CSMD1: variants seen among roughly 807,000 people sequenced by gnomAD.
CSMD1 encodes CUB and Sushi multiple domains 1.
Under a neutral mutation model 417.5 loss-of-function variants are expected in CSMD1, and 213 were observed. The observed-to-expected ratio is 0.51, with a 90% CI of 0.46 to 0.57. The LOEUF (loss-of-function observed/expected upper bound fraction) is 0.57, where lower values mean the gene tolerates loss of function less well. Ranked by LOEUF, CSMD1 falls within the 20% of genes least tolerant of loss-of-function variation. The probability of loss-of-function intolerance (pLI) is 0.00; values close to 1 mark genes in which losing one functional copy is unlikely to be tolerated. For synonymous variants in CSMD1, 2,862 were observed against 1,736.8 expected (o/e 1.65, Z -16.11); for missense variants, 6,923 against 4,529.7 (o/e 1.53, Z -15.17).
chr8:3,989,923 A>G (rs1170218701), intron 5 of CSMD1, among the ~76,000 whole-genome samples: 6 of 152,194 alleles, frequency 3.9e-5, no homozygotes, highest in Admixed American at 6.5e-5. Context: ...CTTTCATAAG[A>G]AAGAGAAAAA....
chr8:3,602,273 G>T (rs1046533574), intron 8 of CSMD1, among the ~76,000 whole-genome samples: 8 of 152,230 alleles, frequency 5.3e-5, no homozygotes, highest in African/African-American at 1.9e-4. Context: ...ACAGTTTAGA[G>T]TCCCCAGGAA....
intron 23 of CSMD1, among the ~76,000 whole-genome samples, chr8:3,314,154 A>C (rs1805574167): frequency 6.6e-6 from 1 of 152,160 alleles, no homozygotes; most frequent in African/African-American, 2.4e-5. Flanking sequence ...TAGCATTAGG[A>C]GATATACCTA....
intron 1 of CSMD1, among the ~76,000 whole-genome samples, chr8:4,797,197 C>A (rs1420669297): frequency 6.6e-6 from 1 of 152,162 alleles, no homozygotes; most frequent in Admixed American, 6.5e-5. Context: ...GACTGAAGCC[C>A]ACACAGTAAG....
chr8:4,358,609 T>A (rs905826316), intron 3 of CSMD1, among the ~76,000 whole-genome samples: 7 of 152,176 alleles, frequency 4.6e-5, no homozygotes, highest in African/African-American at 7.2e-5. Flanking sequence ...AGTAATAGTC[T>A]AACAGGGTAT....
At chr8:3,526,657 A>G (rs1797766415) in intron 10 of CSMD1, among the ~76,000 whole-genome samples, 1 of 152,192 alleles carries the variant, frequency 6.6e-6, no homozygotes, top group Non-Finnish European at 1.5e-5. Flanking sequence ...GATATTTTAC[A>G]CTATTTGCCC....
intron 5 of CSMD1, among the ~76,000 whole-genome samples, chr8:3,913,831 C>T (rs2930370): frequency 0.3 from 45,855 of 151,852 alleles, 7,879 homozygotes; most frequent in African/African-American, 0.46. Context: ...CCAACTCAGA[C>T]GGTCTAATCA....
chr8:3,027,707 G>T (rs183529555), intron 51 of CSMD1, among the ~76,000 whole-genome samples: 22 of 152,216 alleles, frequency 1.4e-4, no homozygotes, highest in African/African-American at 5.1e-4. Context: ...TGATGTGTGG[G>T]GGTTGTGACT....
intron 2 of CSMD1, among the ~76,000 whole-genome samples, chr8:4,577,934 T>C (rs1799211681): frequency 6.6e-6 from 1 of 152,176 alleles, no homozygotes; most frequent in Non-Finnish European, 1.5e-5. Flanking sequence ...GCAATTATGA[T>C]ATTGGATGGC....
chr8:4,765,109 TTCAAA>T (rs917202131), intron 1 of CSMD1, among the ~76,000 whole-genome samples: 5 of 152,068 alleles, frequency 3.3e-5, no homozygotes, highest in African/African-American at 1.2e-4. Flanking sequence ...ATTCACTGGG[TTCAAA>T]TCTTGGGTCT....
intron 3 of CSMD1, among the ~76,000 whole-genome samples, chr8:4,402,746 TTGCATCTG>T (rs1804727718): frequency 6.6e-6 from 1 of 151,854 alleles, no homozygotes; most frequent in Non-Finnish European, 1.5e-5. Flanking sequence ...AACTACCTCT[TTGCATCTG>T]TACTGAATGC....
chr8:4,059,003 C>T (rs1349668917), intron 3 of CSMD1, among the ~76,000 whole-genome samples: 1 of 152,000 alleles, frequency 6.6e-6, no homozygotes, highest in African/African-American at 2.4e-5. Flanking sequence ...TTTTCAGAAC[C>T]ACACCACACC....
chr8:4,637,469 T>G lies in CSMD1; in HGVS notation c.175A>C (p.Thr59Pro). The G allele has an allele frequency of 6.2e-7, 1 of 1,613,838 alleles. No homozygotes were observed. The highest frequency in any genetic ancestry group is 8.5e-7 in the Non-Finnish European group (1 of 1,179,868). ...PHGYPNYANC[T>P]WIIITGERNR... ...CGCTCGCCCGTGATGATGATCCAGG[T>G]GCAGTTGGCATAGTTCGGATACCCG... Residue 59 changes from threonine to proline, a missense_variant, in exon 2 of 70, where the codon ACC becomes CCC. Transcript: ENST00000635120.
At chr8:4,026,035 C>G (rs531013779) in intron 4 of CSMD1, among the ~76,000 whole-genome samples, 1 of 151,544 alleles carries the variant, frequency 6.6e-6, no homozygotes, top group South Asian at 2.1e-4. Flanking sequence ...ACTCTTCAAC[C>G]AGTTCCTGCA....
chr8:4,208,825 A>G (rs1239616810), intron 3 of CSMD1, among the ~76,000 whole-genome samples: 11 of 152,200 alleles, frequency 7.2e-5, no homozygotes, highest in Admixed American at 4.6e-4. Flanking sequence ...CAGTTGTTTA[A>G]TATCTGGTTG....
At position 4,754,396 on chromosome 8, in the gene CSMD1, G is replaced by C. The variant is rs1204030251; in HGVS notation, c.86-116838C>G. ...CATCAGGTATTAATTGATCTGTAGT[G>C]TCATATCCCAACTGGGTCACATACA... On this transcript the variant is annotated intron_variant, in intron 1 of 69. Transcript: ENST00000635120. Among the ~76,000 whole-genome samples the C allele has an allele frequency of 2.6e-5, 4 of 152,010 alleles. No homozygotes were observed. The East Asian group carries it at 7.7e-4, about 29-fold the overall frequency.
intron 3 of CSMD1, among the ~76,000 whole-genome samples, chr8:4,264,155 C>G (rs1804079515): frequency 6.6e-6 from 1 of 152,170 alleles, no homozygotes; most frequent in African/African-American, 2.4e-5. Flanking sequence ...CTACTCAGCT[C>G]TTGGGCACTA....
chr8:3,401,069 G>A (rs1812010316), intron 15 of CSMD1, among the ~76,000 whole-genome samples: 1 of 151,480 alleles, frequency 6.6e-6, no homozygotes, highest in South Asian at 2.1e-4. Flanking sequence ...CAATTCTTTT[G>A]TTTTTTAAAG....
At chr8:4,288,034 A>G (rs2128865092) in intron 3 of CSMD1, among the ~76,000 whole-genome samples, 1 of 152,324 alleles carries the variant, frequency 6.6e-6, no homozygotes, top group Non-Finnish European at 1.5e-5. Flanking sequence ...GCAACCATCA[A>G]AAGACAGAAA....
At chr8:3,709,863 G>GTA (rs1387859849) in intron 6 of CSMD1, among the ~76,000 whole-genome samples, 3 of 150,874 alleles carry the variant, frequency 2.0e-5, no homozygotes, top group Non-Finnish European at 4.4e-5. Context: ...GTGTGTGTGT[G>GTA]TGTGTACACA....
Sources: gnomAD v4.1 joint callset for allele counts (sites outside exome capture counted in the v4.1 genomes callset) on GRCh38, gnomAD v4.1.1 for gene constraint, MANE v1.5 for transcripts, NCBI Gene and HGNC (gene_info 2026-07-23, HGNC 2026-07-21) for gene names.